Variants in NAV3 observed in about 807,000 individuals in gnomAD.
NAV3 encodes the protein neuron navigator 3.
In NAV3, 87 loss-of-function variants were observed where a neutral mutation model predicts 244.7. The observed-to-expected ratio is 0.36, with a 90% CI of 0.30 to 0.42. The LOEUF is 0.42. Among genes scored for constraint, NAV3 ranks in the 20% least tolerant of loss-of-function variants. The probability of loss-of-function intolerance (pLI) is 1.00; values close to 1 mark genes in which losing one functional copy is unlikely to be tolerated. For synonymous variants in NAV3, 1,126 were observed against 1,042.2 expected, an observed-to-expected ratio of 1.08 and a Z score of -1.55; for missense variants, 2,663 against 2,893.3, an observed-to-expected ratio of 0.92 and a Z score of 1.83.
At position 77,591,965 on chromosome 12, in the gene NAV3, G is replaced by A. The variant is rs114312352; in HGVS notation, c.72+19699G>A. Among the ~76,000 whole-genome samples the A allele has an allele frequency of 3.0e-4, 45 of 152,298 alleles. 1 individual carries two copies. Among genetic ancestry groups the A allele is most frequent in the African/African-American group, 1.1e-3 (44 of 41,562 alleles). ...TATATTTTTCATTCTGATGAAGCAAGGCATGTTAAATAGAATTCAATGGTA... is the reference window on the plus strand; with the variant it reads ...TATATTTTTCATTCTGATGAAGCAAAGCATGTTAAATAGAATTCAATGGTA... On this transcript the variant is annotated intron_variant, in intron 2 of 8. Transcript: ENST00000550042.
chr12:77,988,672 A>G (rs746015979), intron 5 of NAV3, among the ~76,000 whole-genome samples: 12 of 152,164 alleles, frequency 7.9e-5, no homozygotes, highest in Non-Finnish European at 1.5e-4. Context: ...TAGGAGCCTG[A>G]TCATACAGGA....
intron 1 of NAV3, among the ~76,000 whole-genome samples, chr12:77,927,034 T>G (rs1412202281): frequency 6.6e-6 from 1 of 152,224 alleles, no homozygotes; most frequent in Non-Finnish European, 1.5e-5. Flanking sequence ...GATTTTACTT[T>G]GAATGTACTT....
At chr12:77,913,540 A>G (rs904489015) in intron 1 of NAV3, among the ~76,000 whole-genome samples, 4 of 152,014 alleles carry the variant, frequency 2.6e-5, no homozygotes, top group African/African-American at 9.7e-5. Flanking sequence ...TTACTCTAAG[A>G]GTTGCATTAC....
At chr12:77,670,506 A>G (rs1873920471) in intron 2 of NAV3, among the ~76,000 whole-genome samples, 1 of 152,262 alleles carries the variant, frequency 6.6e-6, no homozygotes, top group South Asian at 2.1e-4. Flanking sequence ...GCAAACCAAT[A>G]TTCCCTATGA....
chr12:77,801,634 A>G (rs1299569542), intron 2 of NAV3, among the ~76,000 whole-genome samples: 1 of 152,160 alleles, frequency 6.6e-6, no homozygotes, highest in Non-Finnish European at 1.5e-5. Flanking sequence ...AGGAAGTAGT[A>G]TGTCCCATCC....
chr12:77,905,553 T>C (rs535934719), intron 1 of NAV3, among the ~76,000 whole-genome samples: 10 of 152,224 alleles, frequency 6.6e-5, no homozygotes, highest in Admixed American at 2.0e-4. Context: ...TTTTTTCCTT[T>C]TTCACATTTA....
intron 2 of NAV3, among the ~76,000 whole-genome samples, chr12:77,720,559 T>C (rs1170054521): frequency 6.6e-6 from 1 of 152,162 alleles, no homozygotes; most frequent in Admixed American, 6.6e-5. Context: ...TTCTAGAGTA[T>C]GCCAGTCCCA....
chr12:77,887,170 G>C (rs1269368602), intron 1 of NAV3, among the ~76,000 whole-genome samples: 2 of 152,128 alleles, frequency 1.3e-5, no homozygotes, highest in African/African-American at 2.4e-5. Context: ...GAAAGGGAGA[G>C]AGTGAGGGTA....
At chr12:77,978,524 T>C (rs997822557) in intron 5 of NAV3, among the ~76,000 whole-genome samples, 5 of 152,054 alleles carry the variant, frequency 3.3e-5, no homozygotes, top group African/African-American at 7.2e-5. Flanking sequence ...TATTTATTAA[T>C]CTTTTCTACT....
chr12:78,132,110 G>C (rs1464534558), intron 18 of NAV3, among the ~76,000 whole-genome samples: 1 of 152,074 alleles, frequency 6.6e-6, no homozygotes, highest in Non-Finnish European at 1.5e-5. Flanking sequence ...AGTTAACATG[G>C]CAACTGAAGC....
chr12:77,686,585 T>C lies in NAV3; in HGVS notation c.72+114319T>C, dbSNP rs573287685. Among the ~76,000 whole-genome samples the C allele has an allele frequency of 1.4e-3, 209 of 152,224 alleles. 1 individual carries two copies. The highest frequency in any genetic ancestry group is 2.7e-3 in the South Asian group (13 of 4,826). ...GGATATTTTAAGCCTCAATCAATGA[T>C]GCATCCATGACACACAGCATCCATA... On this transcript the variant is annotated intron_variant, in intron 2 of 8. Coordinates refer to the NAV3 transcript ENST00000550042.
intron 2 of NAV3, among the ~76,000 whole-genome samples, chr12:77,766,191 G>C (rs1421888529): frequency 6.6e-6 from 1 of 152,122 alleles, no homozygotes; most frequent in Admixed American, 6.5e-5. Context: ...TCACACTAGG[G>C]AAAAGAAGGA....
intron 4 of NAV3, among the ~76,000 whole-genome samples, 166 bp from the exon 5 acceptor site, chr12:77,968,353 T>C (rs1401587462): frequency 1.3e-5 from 2 of 152,240 alleles, no homozygotes; most frequent in Non-Finnish European, 2.9e-5. Context: ...TTGGAAATGT[T>C]AACATGTTTC....
chr12:77,615,167 C>A (rs1429130017), intron 2 of NAV3, among the ~76,000 whole-genome samples: 2 of 152,142 alleles, frequency 1.3e-5, no homozygotes, highest in Non-Finnish European at 2.9e-5. Context: ...GAAGCCACAA[C>A]TCTATAATTT....
At chr12:77,857,368 T>A (rs1405067455) in intron 1 of NAV3, among the ~76,000 whole-genome samples, 4 of 152,134 alleles carry the variant, frequency 2.6e-5, no homozygotes, top group African/African-American at 9.6e-5. Context: ...TTTTTGAAAT[T>A]ATGTGATAAT....
Position 78,006,439 on chromosome 12 carries a change from T to C in NAV3, c.901T>C (p.Ser301Pro). 1 of 1,613,636 alleles carries C rather than the reference T, an allele frequency of 6.2e-7. No individual in the cohort carries two copies. The highest frequency in any genetic ancestry group is 8.5e-7 in the Non-Finnish European group (1 of 1,179,634). Reference sequence around the variant, plus strand: ...TCCAGATTCCTCCAAAGGACCTCAATCGTCTTCAGGTGTAAATGGTAACGT... The same window carrying C: ...TCCAGATTCCTCCAAAGGACCTCAACCGTCTTCAGGTGTAAATGGTAACGT... ...NEKDSSKGPQ[S>P]SSGVNGNVQP... The change falls in exon 8 of 40, where the codon TCG becomes CCG. Residue 301 changes from serine (S) to proline (P), a missense_variant. Ser to Pro is a moderately conservative substitution (Grantham distance 74). Around this residue, in one of 6 missense-constraint regions of NAV3, gnomAD observed 1,521 missense variants for 1,497.0 expected, o/e 1.02. Transcript: ENST00000397909.
At chr12:77,905,167 A>G (rs1458249133) in intron 1 of NAV3, among the ~76,000 whole-genome samples, 2 of 152,166 alleles carry the variant, frequency 1.3e-5, no homozygotes, top group Admixed American at 6.5e-5. Flanking sequence ...GGCTTTTCTA[A>G]TACCAAAATC....
chr12:77,986,212 G>A (rs945447843), intron 5 of NAV3, among the ~76,000 whole-genome samples: 2 of 151,952 alleles, frequency 1.3e-5, no homozygotes, highest in African/African-American at 4.8e-5. Context: ...AAATACAAAA[G>A]TCAGCCAGGT....
At chr12:77,704,547 G>T (rs1875704521) in intron 2 of NAV3, among the ~76,000 whole-genome samples, 1 of 152,030 alleles carries the variant, frequency 6.6e-6, no homozygotes. Flanking sequence ...CTCATATAAA[G>T]CAAAACACAT....
Sources: gnomAD v4.1 joint callset for allele counts (sites outside exome capture counted in the v4.1 genomes callset) on GRCh38, gnomAD v4.1.1 for gene constraint, gnomAD v4.1.1 regional missense constraint, MANE v1.5 for transcripts, NCBI Gene and HGNC (gene_info 2026-07-23, HGNC 2026-07-21) for gene names.